PLCH1: variants seen among roughly 807,000 people sequenced by gnomAD.
PLCH1 encodes the protein phospholipase C eta 1.
Under a neutral mutation model 126.7 loss-of-function variants are expected in PLCH1, and 60 were observed. The ratio of observed to expected loss-of-function variants is 0.47; its 90% CI spans 0.38 to 0.59. The LOEUF (loss-of-function observed/expected upper bound fraction) is 0.59, where lower values mean the gene tolerates loss of function less well. Among genes scored for constraint, PLCH1 ranks in the 20% least tolerant of loss-of-function variants. PLCH1 has a pLI of 0.00. For synonymous variants in PLCH1, 719 were observed against 734.9 expected, an observed-to-expected ratio of 0.98 and a Z score of 0.35; for missense variants, 1,723 against 2,040.0, an observed-to-expected ratio of 0.84 and a Z score of 2.99.
At chr3:155,633,855 G>A (rs1738388885) in intron 2 of PLCH1, among the ~76,000 whole-genome samples, 2 of 152,080 alleles carry the variant, frequency 1.3e-5, no homozygotes, top group South Asian at 4.1e-4. Flanking sequence ...AGTAGGCAGA[G>A]TTTGCAATGA....
chr3:155,666,734 T>C (rs911474795), intron 2 of PLCH1, among the ~76,000 whole-genome samples: 9 of 152,230 alleles, frequency 5.9e-5, no homozygotes, highest in African/African-American at 2.2e-4. Context: ...CTTTGGTGTT[T>C]TTCACACCTT....
intron 7 of PLCH1, 26 bp downstream of exon 7, chr3:155,568,205 G>T: frequency 9.9e-7 from 1 of 1,006,296 alleles, no homozygotes; most frequent in Non-Finnish European, 1.6e-6. Flanking sequence ...CAAGAAATGA[G>T]AAATAAAGAA....
chr3:155,684,484 G>T (rs1032860707), intron 2 of PLCH1, among the ~76,000 whole-genome samples: 1 of 152,098 alleles, frequency 6.6e-6, no homozygotes, highest in East Asian at 1.9e-4. Context: ...AACAGGAAAC[G>T]GGTCTCCAAG....
At chr3:155,488,618 A>G in intron 20 of PLCH1, 42 bp downstream of exon 20, 15 of 1,515,258 alleles carry the variant, frequency 9.9e-6, no homozygotes, top group Non-Finnish European at 1.2e-5. Context: ...CCAAATAAAA[A>G]GGAATGGTCA....
At chr3:155,546,839 A>T (rs376966925) in intron 10 of PLCH1, among the ~76,000 whole-genome samples, 2,984 of 147,012 alleles carry the variant, frequency 0.02, 64 homozygotes, top group African/African-American at 0.058. Flanking sequence ...TAGCCATATG[A>T]AGAAAGCTGA....
At chr3:155,668,084 CAAAAAAAAAAAA>C (rs756879174) in intron 2 of PLCH1, among the ~76,000 whole-genome samples, 1 of 38,006 alleles carries the variant, frequency 2.6e-5, no homozygotes, top group African/African-American at 1.2e-4. Context: ...GACTCCATCT[CAAAAAAAAAAAA>C]AAAAAAAAAA....
chr3:155,710,059 C>T (rs1167908210), intron 1 of PLCH1, among the ~76,000 whole-genome samples: 1 of 152,206 alleles, frequency 6.6e-6, no homozygotes, highest in African/African-American at 2.4e-5. Flanking sequence ...GCCATCTTGG[C>T]TCACTGCAGC....
chr3:155,595,264 A>G (rs78788336), intron 3 of PLCH1, among the ~76,000 whole-genome samples: 3,131 of 152,358 alleles, frequency 0.021, 120 homozygotes, highest in African/African-American at 0.072. Flanking sequence ...ACTGAAGCAC[A>G]GGGCAAGAAG....
intron 15 of PLCH1, among the ~76,000 whole-genome samples, chr3:155,496,319 C>G (rs1717024513): frequency 6.6e-6 from 1 of 152,098 alleles, no homozygotes; most frequent in African/African-American, 2.4e-5. Flanking sequence ...TGCAATCATT[C>G]CCTGAGTTTA....
At chr3:155,563,012 C>T (rs1727836904) in intron 8 of PLCH1, among the ~76,000 whole-genome samples, 1 of 152,164 alleles carries the variant, frequency 6.6e-6, no homozygotes, top group African/African-American at 2.4e-5. Context: ...AAATTGGATA[C>T]TTAGTTTTAT....
At chr3:155,503,830 G>A (rs1049407663) in intron 13 of PLCH1, among the ~76,000 whole-genome samples, 6 of 152,202 alleles carry the variant, frequency 3.9e-5, no homozygotes, top group African/African-American at 1.2e-4. Context: ...GAGCCACCAC[G>A]CCTGGCCTAT....
intron 2 of PLCH1, among the ~76,000 whole-genome samples, chr3:155,697,872 C>T (rs1384164073): frequency 2.6e-5 from 4 of 152,184 alleles, no homozygotes; most frequent in African/African-American, 9.7e-5. Context: ...GAGTCTGGAT[C>T]ACCTCACCGC....
At chr3:155,465,102 C>T (rs1712877767) in intron 21 of PLCH1, among the ~76,000 whole-genome samples, 2 of 136,402 alleles carry the variant, frequency 1.5e-5, no homozygotes, top group South Asian at 2.3e-4. Context: ...GAGTGAGACT[C>T]TGTCTCAAAA....
At chr3:155,697,355 G>T (rs1284007406) in intron 2 of PLCH1, among the ~76,000 whole-genome samples, 1 of 152,108 alleles carries the variant, frequency 6.6e-6, no homozygotes, top group East Asian at 1.9e-4. Flanking sequence ...GGGGGGCCGG[G>T]ATTCCATCCA....
chr3:155,641,297 C>A (rs1328289757), intron 2 of PLCH1, among the ~76,000 whole-genome samples: 2 of 151,092 alleles, frequency 1.3e-5, no homozygotes, highest in African/African-American at 2.4e-5. Context: ...TTCAAGTTTT[C>A]CTATAACCTG....
intron 2 of PLCH1, among the ~76,000 whole-genome samples, chr3:155,608,517 C>G (rs985612169): frequency 8.5e-5 from 13 of 152,142 alleles, no homozygotes; most frequent in African/African-American, 3.1e-4. Flanking sequence ...TGAGGCCTGT[C>G]ACTGCTAGTT....
At chr3:155,719,769 G>A (rs1343695859) in intron 1 of PLCH1, among the ~76,000 whole-genome samples, 1 of 150,684 alleles carries the variant, frequency 6.6e-6, no homozygotes, top group African/African-American at 2.4e-5. Flanking sequence ...TTATGGCTGA[G>A]TAGTATTCCA....
chr3:155,711,504 G>GA (rs940026438), intron 1 of PLCH1, among the ~76,000 whole-genome samples: 7 of 149,646 alleles, frequency 4.7e-5, no homozygotes, highest in Admixed American at 1.3e-4. Context: ...ACTCGACAAT[G>GA]AAAAAAAAAA....
chr3:155,678,211 C>G (rs1744244196), intron 2 of PLCH1, among the ~76,000 whole-genome samples: 1 of 152,216 alleles, frequency 6.6e-6, no homozygotes, highest in Admixed American at 6.5e-5. Flanking sequence ...TCCCTCTCAC[C>G]TCTTGCTCCT....
Sources: gnomAD v4.1 joint callset for allele counts (sites outside exome capture counted in the v4.1 genomes callset) on GRCh38, gnomAD v4.1.1 for gene constraint, MANE v1.5 for transcripts, NCBI Gene and HGNC (gene_info 2026-07-23, HGNC 2026-07-21) for gene names.